The following KLF5 variants were observed in gnomAD, a reference collection of about 807,000 sequenced individuals.
KLF5 encodes KLF transcription factor 5.
In KLF5, 9 loss-of-function variants were observed where a neutral mutation model predicts 36.9. That is an observed-to-expected ratio of 0.24 (90% CI 0.15 to 0.43). The LOEUF is 0.43. Ranked by LOEUF, KLF5 falls within the 20% of genes least tolerant of loss-of-function variation. KLF5 has a pLI of 1.00. For missense variants in KLF5, 524 were observed against 599.5 expected (o/e 0.87, Z 1.31); for synonymous variants, 246 against 241.7 (o/e 1.02, Z -0.17).
At chr13:73,056,928 T>C (rs1425590694), upstream of KLF5, among the ~76,000 whole-genome samples, 3 of 127,430 alleles carry the variant, frequency 2.4e-5, no homozygotes, top group Admixed American at 8.9e-5. Flanking sequence ...AAAACTTAGT[T>C]GTATGGTTTT....
rs1445096285 is a variant in KLF5 at position 73,077,095 on chromosome 13, G to C, written c.*1209G>C. On this transcript the variant is annotated 3_prime_UTR_variant, in exon 4 of 4. Coordinates refer to ENST00000377687, the MANE Select transcript of KLF5 (RefSeq NM_001730.5). ...AAAATAGTAATGTGATGCTGATGCTGTTAACCAAAGGGCAGAATAAATAAG... is the reference window on the plus strand; with the variant it reads ...AAAATAGTAATGTGATGCTGATGCTCTTAACCAAAGGGCAGAATAAATAAG... The C allele has an allele frequency of 6.6e-6, 1 of 152,552 alleles. No individual in the cohort carries two copies. Among genetic ancestry groups the C allele is most frequent in the Non-Finnish European group, 1.5e-5 (1 of 68,032 alleles). 9.4% of individuals were successfully genotyped at this position (152,552 alleles called of 1,614,324 possible).
intron 3 of KLF5, among the ~76,000 whole-genome samples, chr13:73,072,521 T>G (rs1450325693): frequency 6.6e-6 from 1 of 152,206 alleles, no homozygotes; most frequent in African/African-American, 2.4e-5. Context: ...GGAAATGAAT[T>G]TGAACAATAT....
In KLF5 at chr13:73,059,589, G is replaced by T; in HGVS notation, c.261+1G>T. The T allele has an allele frequency of 8.6e-7, 1 of 1,158,838 alleles. No individual in the cohort carries two copies. The highest frequency in any genetic ancestry group is 1.1e-6 in the Non-Finnish European group (1 of 942,644). The allele number at this position is 1,158,838 out of a possible 1,614,324, so 71.8% of individuals were successfully genotyped here. On this transcript the variant is annotated splice_donor_variant, in intron 1 of 3. Coordinates refer to ENST00000377687, the MANE Select transcript of KLF5 (RefSeq NM_001730.5). LOFTEE classifies it high-confidence loss of function. ...GCTGCCTCCAGAGGACCTGGTCCAG[G>T]TAGGAAGAGCCGCTCCCCTCCCACC...
intron 2 of KLF5, 73 bp from the exon 3 acceptor site, chr13:73,063,751 T>C (rs1019640487): frequency 1.9e-6 from 2 of 1,070,214 alleles, no homozygotes; most frequent in African/African-American, 3.1e-5. Flanking sequence ...AGCCAGATTT[T>C]AAACACTGAA....
In KLF5 at chr13:73,077,281, A is replaced by G. The variant is rs1052082117; in HGVS notation, c.*1395A>G. 9 of 152,658 alleles carry G rather than the reference A, an allele frequency of 5.9e-5. No individual in the cohort carries two copies. The highest frequency in any genetic ancestry group is 3.9e-4 in the Admixed American group (6 of 15,286). The allele number at this position is 152,658 out of a possible 1,614,324, so 9.5% of individuals were successfully genotyped here. ...TTGTTTGTTAGAAAAGTTGCTCTTA[A>G]AAGATGTAAATAGATGACAAACGAT... On this transcript the variant is annotated 3_prime_UTR_variant, in exon 4 of 4. Coordinates refer to ENST00000377687, the MANE Select transcript of KLF5 (RefSeq NM_001730.5).
Position 73,062,063 on chromosome 13 carries a change from G to T in KLF5, c.464G>T (p.Arg155Ile). Residue 155 changes from arginine to isoleucine, a missense_variant, in exon 2 of 4, where the codon AGA becomes ATA. By Grantham distance (97) the Arg-to-Ile change is moderately conservative. Coordinates refer to ENST00000377687, the MANE Select transcript of KLF5 (RefSeq NM_001730.5). ...HLRTGLYKSQRPCVTHIKTEP... is the reference protein window; with the variant it reads ...HLRTGLYKSQIPCVTHIKTEP... ...AGAACTGGCCTCTACAAATCCCAGA[G>T]ACCGTGCGTAACACACATCAAGACA... 2 of 1,614,066 alleles carry T rather than the reference G, an allele frequency of 1.2e-6. No individual in the cohort carries two copies. Among genetic ancestry groups the T allele is most frequent in the Non-Finnish European group, 8.5e-7 (1 of 1,180,008 alleles).
upstream of KLF5, among the ~76,000 whole-genome samples, chr13:73,057,651 CT>C (rs2044591323): frequency 6.6e-6 from 1 of 152,164 alleles, no homozygotes; most frequent in Non-Finnish European, 1.5e-5. Flanking sequence ...GATAGATACA[CT>C]CTTTGAAGTG....
upstream of KLF5, chr13:73,055,165 C>G (rs909091558): frequency 2.6e-5 from 4 of 152,116 alleles, no homozygotes; most frequent in Admixed American, 1.3e-4. Context: ...AAAGGTAAAA[C>G]TCTCCTGTTT....
At chr13:73,066,389 C>T (rs1362230417) in intron 3 of KLF5, among the ~76,000 whole-genome samples, 1 of 151,012 alleles carries the variant, frequency 6.6e-6, no homozygotes, top group Non-Finnish European at 1.5e-5. Context: ...AATTACTTCT[C>T]TTATGTAATA....
chr13:73,066,298 A>C (rs1204528849), intron 3 of KLF5, among the ~76,000 whole-genome samples: 1 of 149,474 alleles, frequency 6.7e-6, no homozygotes, highest in African/African-American at 2.5e-5. Context: ...TTTTAAATGA[A>C]TGTATCTGAA....
At chr13:73,055,705 A>T (rs1566561367), upstream of KLF5, among the ~76,000 whole-genome samples, 2 of 152,192 alleles carry the variant, frequency 1.3e-5, no homozygotes, top group Admixed American at 6.6e-5. Flanking sequence ...GACTACCAAA[A>T]AGTCACTTTA....
chr13:73,059,509 A>AGCCCGCGCCCGCGCAGGCCCC lies in KLF5; in HGVS notation c.185_205dup (p.Pro62_Pro68dup). 1 of 1,211,994 alleles carries AGCCCGCGCCCGCGCAGGCCCC rather than the reference A, an allele frequency of 8.3e-7. No homozygotes were observed. The highest frequency in any genetic ancestry group is 1.0e-6 in the Non-Finnish European group (1 of 978,880). The allele number at this position is 1,211,994 out of a possible 1,614,324, so 75.1% of individuals were successfully genotyped here. On this transcript the variant is annotated inframe_insertion, in exon 1 of 4. Coordinates refer to ENST00000377687, the MANE Select transcript of KLF5 (RefSeq NM_001730.5). ...CACGCGCACCACCGCCCGCAGGCGC[A>AGCCCGCGCCCGCGCAGGCCCC]GCCCGCGCCCGCGCAGGCCCCGCAG...
intron 1 of KLF5, among the ~76,000 whole-genome samples, chr13:73,060,336 C>A (rs1207574640): frequency 6.6e-6 from 1 of 152,068 alleles, no homozygotes; most frequent in East Asian, 1.9e-4. Context: ...GAAAAAACTT[C>A]CCGGGACTTT....
chr13:73,072,774 C>T (rs1432295804), intron 3 of KLF5, among the ~76,000 whole-genome samples: 1 of 152,146 alleles, frequency 6.6e-6, no homozygotes, highest in African/African-American at 2.4e-5. Flanking sequence ...TTCTGCTTAA[C>T]ATTTTTGTAA....
chr13:73,059,244 G>A lies in KLF5; in HGVS notation c.-84G>A. The A allele has an allele frequency of 1.6e-6, 2 of 1,227,670 alleles. No individual in the cohort carries two copies. Among genetic ancestry groups the A allele is most frequent in the African/African-American group, 1.6e-5 (1 of 63,772 alleles). 76.0% of individuals were successfully genotyped at this position (1,227,670 alleles called of 1,614,324 possible). ...CCTCCCCTCCTCCGCCGGCAGCCCC[G>A]CGCTGAGCTCGCCGACCCAAGCCAG... On this transcript the variant is annotated 5_prime_UTR_variant, in exon 1 of 4. Coordinates refer to ENST00000377687, the MANE Select transcript of KLF5 (RefSeq NM_001730.5).
chr13:73,059,014 G>T lies in KLF5; in HGVS notation c.-314G>T. The T allele has an allele frequency of 4.0e-6, 1 of 247,792 alleles. No individual in the cohort carries two copies. The highest frequency in any genetic ancestry group is 7.2e-5 in the East Asian group (1 of 13,954). 15.3% of individuals were successfully genotyped at this position (247,792 alleles called of 1,614,324 possible). ...GGCGTCAAGTGTCAGTAGTCGCGGG[G>T]CAGGTACGTGCGCTCGCGGTTCTCT... On this transcript the variant is annotated 5_prime_UTR_variant, in exon 1 of 4. Coordinates refer to ENST00000377687, the MANE Select transcript of KLF5 (RefSeq NM_001730.5).
rs759586891 is a variant in KLF5 at position 73,075,900 on chromosome 13, G to A, written c.*14G>A. The A allele has an allele frequency of 8.5e-6, 13 of 1,534,782 alleles. No homozygotes were observed. The highest frequency in any genetic ancestry group is 4.5e-6 in the Non-Finnish European group (5 of 1,123,522). On this transcript the variant is annotated 3_prime_UTR_variant, in exon 4 of 4. Transcript: ENST00000377687. ...CACCAGAACTGAGCACTGCCCGTGT[G>A]ACCCGTTCCAGGTCCCCTGGGCTCC...
At chr13:73,067,099 TC>T (rs1445063871) in intron 3 of KLF5, among the ~76,000 whole-genome samples, 2 of 152,304 alleles carry the variant, frequency 1.3e-5, no homozygotes, top group East Asian at 1.9e-4. Context: ...GTGGTGTATT[TC>T]CAATTCAAAA....
chr13:73,068,067 C>T (rs1214280322), intron 3 of KLF5, among the ~76,000 whole-genome samples: 5 of 151,532 alleles, frequency 3.3e-5, no homozygotes, highest in Non-Finnish European at 7.4e-5. Context: ...TCTCGAACTC[C>T]TGACCTCAGA....
Sources: gnomAD v4.1 joint callset for allele counts (sites outside exome capture counted in the v4.1 genomes callset) on GRCh38, gnomAD v4.1.1 for gene constraint, MANE v1.5 for transcripts, NCBI Gene and HGNC (gene_info 2026-07-23, HGNC 2026-07-21) for gene names.